CADM2: variants seen among roughly 807,000 people sequenced by gnomAD.
CADM2 encodes the protein cell adhesion molecule 2, also known as immunoglobulin superfamily member 4D.
Under a neutral mutation model 49.8 loss-of-function variants are expected in CADM2, and 12 were observed. That is an observed-to-expected ratio of 0.24 (90% confidence interval 0.15 to 0.39). The LOEUF is 0.39. Ranked by LOEUF, CADM2 falls within the 10% of genes least tolerant of loss-of-function variation. The pLI, the probability that CADM2 is intolerant of heterozygous loss-of-function variation, is 1.00. For missense variants in CADM2, 378 were observed against 492.3 expected, an observed-to-expected ratio of 0.77 and a Z score of 2.20; for synonymous variants, 214 against 175.4, an observed-to-expected ratio of 1.22 and a Z score of -1.74.
intron 1 of CADM2, among the ~76,000 whole-genome samples, chr3:85,532,176 C>CA (rs1576736801): frequency 7.5e-6 from 1 of 133,432 alleles, no homozygotes; most frequent in Non-Finnish European, 1.7e-5. Context: ...GACTCCGTCT[C>CA]AAAAATAATA....
intron 3 of CADM2, among the ~76,000 whole-genome samples, chr3:85,881,169 C>A (rs1282858865): frequency 6.6e-6 from 1 of 152,036 alleles, no homozygotes; most frequent in Non-Finnish European, 1.5e-5. Context: ...TATCCTCTGT[C>A]ATTTTCATTG....
At chr3:85,014,912 G>T (rs2034186292) in intron 1 of CADM2, among the ~76,000 whole-genome samples, 1 of 152,050 alleles carries the variant, frequency 6.6e-6, no homozygotes, top group South Asian at 2.1e-4. Flanking sequence ...AGACATTTTG[G>T]TGCCTGCCTA....
At chr3:85,278,718 TTGTGTGTGTGTGTGTG>T (rs36208431) in intron 1 of CADM2, among the ~76,000 whole-genome samples, 21 of 144,550 alleles carry the variant, frequency 1.5e-4, no homozygotes, top group Middle Eastern at 3.5e-3. Flanking sequence ...GCTGATGTTC[TTGTGTGTGTGTGTGTG>T]TGTGTGTGTG....
At chr3:85,821,573 A>G (rs896453930) in intron 3 of CADM2, among the ~76,000 whole-genome samples, 15 of 152,106 alleles carry the variant, frequency 9.9e-5, no homozygotes, top group African/African-American at 2.9e-4. Flanking sequence ...TGTTGCATAC[A>G]CAAGAAGTTA....
At chr3:85,939,395 C>A (rs1345845926) in intron 7 of CADM2, among the ~76,000 whole-genome samples, 1 of 151,066 alleles carries the variant, frequency 6.6e-6, no homozygotes, top group African/African-American at 2.4e-5. Flanking sequence ...GTTTTTGCAA[C>A]CCTCTTCTTT....
chr3:85,405,184 T>C (rs2035310531), intron 1 of CADM2, among the ~76,000 whole-genome samples: 1 of 152,102 alleles, frequency 6.6e-6, no homozygotes, highest in African/African-American at 2.4e-5. Flanking sequence ...TTTGGATATA[T>C]TTACATATTA....
chr3:85,418,847 A>G (rs930839829), intron 1 of CADM2, among the ~76,000 whole-genome samples: 1 of 152,190 alleles, frequency 6.6e-6, no homozygotes, highest in Non-Finnish European at 1.5e-5. Context: ...AGAAGTGAAG[A>G]TAGTAACCAT....
At chr3:85,742,986 T>C (rs1203363429) in intron 2 of CADM2, among the ~76,000 whole-genome samples, 1 of 152,178 alleles carries the variant, frequency 6.6e-6, no homozygotes, top group Non-Finnish European at 1.5e-5. Context: ...ATTTTCCTTT[T>C]TCTGAGTCTA....
chr3:85,934,412 A>T (rs1035938141), intron 6 of CADM2, among the ~76,000 whole-genome samples: 2 of 152,046 alleles, frequency 1.3e-5, no homozygotes, highest in Non-Finnish European at 2.9e-5. Context: ...TAAATCTGAT[A>T]TTCAATTTTT....
At chr3:85,430,250 G>A (rs949671166) in intron 1 of CADM2, among the ~76,000 whole-genome samples, 2 of 152,116 alleles carry the variant, frequency 1.3e-5, no homozygotes, top group Non-Finnish European at 2.9e-5. Flanking sequence ...TAGGGTATTT[G>A]ATCCTGAGCT....
chr3:85,509,693 A>G (rs769224777), intron 1 of CADM2, among the ~76,000 whole-genome samples: 1 of 152,134 alleles, frequency 6.6e-6, no homozygotes, highest in Non-Finnish European at 1.5e-5. Context: ...GAGATGTGTG[A>G]CAATAATAAA....
In CADM2 at chr3:86,007,337, G is replaced by A. The variant is rs1730923644; in HGVS notation, c.970+45690G>A. On this transcript the variant is annotated intron_variant, in intron 8 of 9. Coordinates refer to ENST00000383699, the MANE Select transcript of CADM2 (RefSeq NM_001167675.2). ...GGTGATTAAAAAAACAGCAGCCAGT[G>A]AAGATGTACTTGGACAGAGAAAAGA... Among the ~76,000 whole-genome samples, 3 of 152,268 alleles carry A rather than the reference G, an allele frequency of 2.0e-5. No individual in the cohort carries two copies. The South Asian group carries it at 6.2e-4, about 31-fold the overall frequency.
chr3:85,229,294 T>C (rs1446801207), intron 1 of CADM2, among the ~76,000 whole-genome samples: 1 of 152,106 alleles, frequency 6.6e-6, no homozygotes, highest in Non-Finnish European at 1.5e-5. Flanking sequence ...AATCTCCTGG[T>C]ATGCTGGTTG....
At chr3:85,749,969 C>A (rs1440184377) in intron 2 of CADM2, among the ~76,000 whole-genome samples, 3 of 151,874 alleles carry the variant, frequency 2.0e-5, no homozygotes, top group Non-Finnish European at 2.9e-5. Context: ...CTGATATTAT[C>A]TGTTTAGTAA....
chr3:85,899,993 G>A (rs1715887675), intron 5 of CADM2, among the ~76,000 whole-genome samples: 1 of 151,942 alleles, frequency 6.6e-6, no homozygotes, highest in Non-Finnish European at 1.5e-5. Flanking sequence ...TGCCTTCCAG[G>A]CTCCCAGCTT....
At chr3:86,040,437 C>A (rs1735729164) in intron 8 of CADM2, among the ~76,000 whole-genome samples, 1 of 152,114 alleles carries the variant, frequency 6.6e-6, no homozygotes, top group Non-Finnish European at 1.5e-5. Flanking sequence ...GTGACAAATG[C>A]ACAAGCCTCA....
chr3:85,085,734 C>T (rs2037342562), intron 1 of CADM2, among the ~76,000 whole-genome samples: 1 of 152,144 alleles, frequency 6.6e-6, no homozygotes, highest in Admixed American at 6.6e-5. Flanking sequence ...TAAACACAAA[C>T]TACACAAAGC....
intron 8 of CADM2, among the ~76,000 whole-genome samples, chr3:86,021,531 C>T (rs551160295): frequency 6.6e-6 from 1 of 152,156 alleles, no homozygotes; most frequent in South Asian, 2.1e-4. Context: ...TGAAAAATAT[C>T]TTTATTGGAT....
intron 1 of CADM2, among the ~76,000 whole-genome samples, chr3:85,028,830 C>G (rs776830913): frequency 1.3e-4 from 20 of 151,932 alleles, no homozygotes; most frequent in Non-Finnish European, 2.8e-4. Flanking sequence ...CACTACAGGA[C>G]TGTCATTCAT....
Sources: gnomAD v4.1 joint callset for allele counts (sites outside exome capture counted in the v4.1 genomes callset) on GRCh38, gnomAD v4.1.1 for gene constraint, MANE v1.5 for transcripts, NCBI Gene and HGNC (gene_info 2026-07-23, HGNC 2026-07-21) for gene names.